The following TBC1D22A variants were observed in gnomAD, a reference collection of about 807,000 sequenced individuals.
TBC1D22A encodes TBC1 domain family member 22A, also known as putative GTPase activator.
Under a neutral mutation model 60.2 loss-of-function variants are expected in TBC1D22A, and 38 were observed. That is an observed-to-expected ratio of 0.63 (90% CI 0.49 to 0.83). TBC1D22A has a LOEUF of 0.83. Ranked by LOEUF, TBC1D22A falls within the 40% of genes least tolerant of loss-of-function variation. The probability of loss-of-function intolerance (pLI) is 0.00; values close to 1 mark genes in which losing one functional copy is unlikely to be tolerated. For synonymous variants in TBC1D22A, 302 were observed against 281.7 expected (o/e 1.07, Z -0.72); for missense variants, 628 against 701.0 (o/e 0.90, Z 1.18).
intron 11 of TBC1D22A, among the ~76,000 whole-genome samples, chr22:47,110,261 C>T (rs906910040): frequency 6.6e-6 from 1 of 152,110 alleles, no homozygotes; most frequent in Non-Finnish European, 1.5e-5. Flanking sequence ...GAGTGGATCA[C>T]CGGAGGTCAG....
At chr22:47,036,678 C>T (rs1375326820) in intron 10 of TBC1D22A, among the ~76,000 whole-genome samples, 2 of 152,214 alleles carry the variant, frequency 1.3e-5, no homozygotes, top group Non-Finnish European at 2.9e-5. Context: ...AAGCTCATCT[C>T]CTCTCTCTAA....
chr22:46,832,770 G>T (rs1274225925), intron 4 of TBC1D22A, among the ~76,000 whole-genome samples: 1 of 152,178 alleles, frequency 6.6e-6, no homozygotes, highest in African/African-American at 2.4e-5. Context: ...TGGATATCTG[G>T]TGCTAACAAG....
chr22:46,838,208 C>T lies in TBC1D22A; in HGVS notation c.638-40445C>T, dbSNP rs528376444. On this transcript the variant is annotated intron_variant, in intron 4 of 12. Transcript: ENST00000337137. ...AAATAGAGAGTAGAAAAACAACAGA[C>T]GAGATTAAAAAGAACCTAAGAGTTG... is the stretch of plus-strand genomic sequence containing the variant. Among the ~76,000 whole-genome samples the T allele has an allele frequency of 9.2e-5, 14 of 151,998 alleles. No homozygotes were observed. The South Asian group carries it at 1.0e-3, about 11-fold the overall frequency.
chr22:47,056,796 C>A lies in TBC1D22A; in HGVS notation c.1329+19598C>A, dbSNP rs142358312. On this transcript the variant is annotated intron_variant, in intron 11 of 12. Coordinates refer to ENST00000337137, the MANE Select transcript of TBC1D22A (RefSeq NM_014346.5). ...CATCTGGGGTGGATACAGCTCGCTC[C>A]ACCTCAGGTTTCCTAGGGTGGTGGT... Among the ~76,000 whole-genome samples the A allele has an allele frequency of 3.9e-3, 596 of 152,312 alleles. 2 individuals are homozygous for A. The highest frequency in any genetic ancestry group is 0.011 in the African/African-American group (440 of 41,570).
chr22:46,822,819 G>A (rs370401047), intron 4 of TBC1D22A, among the ~76,000 whole-genome samples: 1 of 152,138 alleles, frequency 6.6e-6, no homozygotes, highest in Non-Finnish European at 1.5e-5. Flanking sequence ...CTGGGCTAAG[G>A]GTTGGTGGGG....
At chr22:47,105,663 T>A (rs982196548) in intron 11 of TBC1D22A, among the ~76,000 whole-genome samples, 2 of 152,248 alleles carry the variant, frequency 1.3e-5, no homozygotes, top group African/African-American at 4.8e-5. Context: ...GTTACTTATT[T>A]GACCTAAAAA....
chr22:46,964,950 G>T (rs1602698269), intron 8 of TBC1D22A, among the ~76,000 whole-genome samples: 1 of 152,232 alleles, frequency 6.6e-6, no homozygotes, highest in Non-Finnish European at 1.5e-5. Context: ...GAGCGGTGGG[G>T]TTCCCAGCTG....
chr22:47,024,413 A>G (rs2062187026), intron 10 of TBC1D22A, among the ~76,000 whole-genome samples: 1 of 152,174 alleles, frequency 6.6e-6, no homozygotes, highest in African/African-American at 2.4e-5. Context: ...CTTTAATTAA[A>G]AGGCAGATCG....
intron 6 of TBC1D22A, 143 bp from the exon 7 acceptor site, chr22:46,894,641 A>G: frequency 1.1e-6 from 1 of 944,218 alleles, no homozygotes; most frequent in Middle Eastern, 2.6e-4. Flanking sequence ...AGAAGGTGGT[A>G]ACATGGAGAA....
At chr22:46,890,621 G>A (rs9627600) in intron 5 of TBC1D22A, among the ~76,000 whole-genome samples, 1,880 of 152,172 alleles carry the variant, frequency 0.012, 32 homozygotes, top group African/African-American at 0.041. Flanking sequence ...GTAGAAACAA[G>A]GCAACAGAAA....
intron 3 of TBC1D22A, among the ~76,000 whole-genome samples, chr22:46,795,375 G>A (rs989136441): frequency 3.9e-5 from 6 of 152,242 alleles, no homozygotes; most frequent in Non-Finnish European, 2.9e-5. Flanking sequence ...GGCCAGGACC[G>A]CAGGACCACA....
intron 11 of TBC1D22A, among the ~76,000 whole-genome samples, chr22:47,107,232 A>G (rs2147702237): frequency 6.6e-6 from 1 of 152,314 alleles, no homozygotes; most frequent in African/African-American, 2.4e-5. Flanking sequence ...ATTAGTCCAC[A>G]TGTAGGCCAG....
intron 1 of TBC1D22A, among the ~76,000 whole-genome samples, chr22:46,788,403 A>G (rs1203383714): frequency 1.3e-5 from 2 of 152,184 alleles, no homozygotes; most frequent in Non-Finnish European, 2.9e-5. Flanking sequence ...TCTATGCTTT[A>G]TTGCTTGCAG....
intron 1 of TBC1D22A, among the ~76,000 whole-genome samples, chr22:46,773,187 G>C (rs1343610339): frequency 6.6e-6 from 1 of 152,212 alleles, no homozygotes; most frequent in Non-Finnish European, 1.5e-5. Context: ...AGGCCGTGGA[G>C]ATCTGCATCG....
intron 4 of TBC1D22A, among the ~76,000 whole-genome samples, chr22:46,858,249 T>C (rs2087670554): frequency 6.6e-6 from 1 of 152,268 alleles, no homozygotes; most frequent in South Asian, 2.1e-4. Context: ...TTTCCCATGC[T>C]TATTGGCTGT....
intron 12 of TBC1D22A, among the ~76,000 whole-genome samples, chr22:47,127,773 G>A (rs981784789): frequency 2.4e-4 from 37 of 151,938 alleles, no homozygotes; most frequent in Admixed American, 1.1e-3. Flanking sequence ...GGGCTTCCAC[G>A]CATCAGGGCT....
intron 10 of TBC1D22A, among the ~76,000 whole-genome samples, chr22:46,997,967 T>G (rs2075177707): frequency 6.6e-6 from 1 of 152,212 alleles, no homozygotes; most frequent in Admixed American, 6.5e-5. Flanking sequence ...TGCTCACTCC[T>G]TATTAAGCCT....
intron 12 of TBC1D22A, among the ~76,000 whole-genome samples, chr22:47,156,670 C>T (rs2067731015): frequency 6.6e-6 from 1 of 152,162 alleles, no homozygotes; most frequent in Non-Finnish European, 1.5e-5. Flanking sequence ...CTGTCCACTC[C>T]TGGGGGTGTC....
chr22:47,060,511 A>G (rs1390432018), intron 11 of TBC1D22A, among the ~76,000 whole-genome samples: 2 of 151,782 alleles, frequency 1.3e-5, no homozygotes, highest in Non-Finnish European at 2.9e-5. Flanking sequence ...GCTCACTGCA[A>G]CCTCCGCTTC....
Sources: gnomAD v4.1 joint callset for allele counts (sites outside exome capture counted in the v4.1 genomes callset) on GRCh38, gnomAD v4.1.1 for gene constraint, MANE v1.5 for transcripts, NCBI Gene and HGNC (gene_info 2026-07-23, HGNC 2026-07-21) for gene names.